Variants in CACNA2D1 observed in about 807,000 individuals in gnomAD.
CACNA2D1 encodes the protein voltage-dependent calcium channel subunit alpha-2/delta-1.
In CACNA2D1, 53 loss-of-function variants were observed where a neutral mutation model predicts 171.5. That is an observed-to-expected ratio of 0.31 (90% CI 0.25 to 0.39). The LOEUF is 0.39. Ranked by LOEUF, CACNA2D1 falls within the 10% of genes least tolerant of loss-of-function variation. CACNA2D1 has a pLI of 1.00. For synonymous variants in CACNA2D1, 442 were observed against 443.1 expected, an observed-to-expected ratio of 1.00 and a Z score of 0.03; for missense variants, 903 against 1,299.8, an observed-to-expected ratio of 0.69 and a Z score of 4.69.
chr7:82,235,323 C>T (rs1456848330), intron 3 of CACNA2D1, among the ~76,000 whole-genome samples: 1 of 152,118 alleles, frequency 6.6e-6, no homozygotes, highest in African/African-American at 2.4e-5. Context: ...TAAAGTAGAA[C>T]TAAACCAGCT....
chr7:82,230,272 G>T (rs1802792188), intron 3 of CACNA2D1, among the ~76,000 whole-genome samples: 1 of 152,188 alleles, frequency 6.6e-6, no homozygotes, highest in East Asian at 1.9e-4. Flanking sequence ...TGGAATCAGA[G>T]AATAGTATCC....
chr7:82,338,329 T>G (rs1284028926), intron 2 of CACNA2D1, among the ~76,000 whole-genome samples: 3 of 152,066 alleles, frequency 2.0e-5, no homozygotes, highest in African/African-American at 7.2e-5. Context: ...TTTAAATTTT[T>G]TATTTAAAAA....
chr7:82,137,707 TAAAAAAAAAAA>T (rs1174278503), intron 4 of CACNA2D1, among the ~76,000 whole-genome samples: 7 of 78,826 alleles, frequency 8.9e-5, no homozygotes, highest in Admixed American at 2.8e-4. Flanking sequence ...CCGTCTCTAC[TAAAAAAAAAAA>T]AAAAAAAAAA....
intron 10 of CACNA2D1, among the ~76,000 whole-genome samples, chr7:82,044,899 C>A (rs1205054652): frequency 6.6e-6 from 1 of 152,004 alleles, no homozygotes; most frequent in Non-Finnish European, 1.5e-5. Context: ...AACATTTATT[C>A]TTACATATGT....
At chr7:82,132,576 G>A (rs966088912) in intron 5 of CACNA2D1, among the ~76,000 whole-genome samples, 3 of 152,054 alleles carry the variant, frequency 2.0e-5, no homozygotes, top group South Asian at 2.1e-4. Context: ...AATCTAGAAC[G>A]CAAAAAGAAT....
intron 10 of CACNA2D1, among the ~76,000 whole-genome samples, chr7:82,049,285 A>T (rs190001995): frequency 5.5e-4 from 84 of 152,176 alleles, no homozygotes; most frequent in African/African-American, 1.8e-3. Context: ...ATCTTTACCT[A>T]AAAAAAGTGC....
At chr7:82,064,657 A>G (rs1433810911) in intron 8 of CACNA2D1, among the ~76,000 whole-genome samples, 1 of 152,204 alleles carries the variant, frequency 6.6e-6, no homozygotes, top group Non-Finnish European at 1.5e-5. Context: ...ACAATTATCT[A>G]AACTCCAATT....
At chr7:82,407,003 C>A (rs1475213882) in intron 1 of CACNA2D1, among the ~76,000 whole-genome samples, 1 of 152,110 alleles carries the variant, frequency 6.6e-6, no homozygotes, top group Non-Finnish European at 1.5e-5. Flanking sequence ...CAATTAATTA[C>A]CCTACTTACT....
chr7:82,382,219 T>G (rs767020001), intron 1 of CACNA2D1, among the ~76,000 whole-genome samples: 7 of 152,194 alleles, frequency 4.6e-5, no homozygotes, highest in Non-Finnish European at 1.0e-4. Flanking sequence ...TTAAGGAAAT[T>G]TCCTGATTTT....
At chr7:82,086,926 A>G (rs1810546930) in intron 6 of CACNA2D1, among the ~76,000 whole-genome samples, 1 of 152,096 alleles carries the variant, frequency 6.6e-6, no homozygotes, top group Admixed American at 6.6e-5. Flanking sequence ...CAATATTCCT[A>G]TTATCCTGGC....
chr7:82,267,216 G>A (rs953734598), intron 3 of CACNA2D1, among the ~76,000 whole-genome samples: 1 of 152,088 alleles, frequency 6.6e-6, no homozygotes, highest in Non-Finnish European at 1.5e-5. Context: ...TGTGAAAAAG[G>A]CTATACTATG....
intron 9 of CACNA2D1, among the ~76,000 whole-genome samples, chr7:82,061,593 G>C (rs547444743): frequency 6.6e-6 from 1 of 152,068 alleles, no homozygotes; most frequent in Non-Finnish European, 1.5e-5. Flanking sequence ...CACCCAACAG[G>C]TTCTTCCTGC....
At chr7:82,213,577 T>C (rs1163150852) in intron 3 of CACNA2D1, among the ~76,000 whole-genome samples, 2 of 152,202 alleles carry the variant, frequency 1.3e-5, no homozygotes, top group African/African-American at 4.8e-5. Context: ...AATTAAATAA[T>C]AGAATAATGC....
chr7:82,222,605 C>A (rs1406927969), intron 3 of CACNA2D1, among the ~76,000 whole-genome samples: 2 of 152,100 alleles, frequency 1.3e-5, no homozygotes, highest in African/African-American at 2.4e-5. Context: ...CGAAGACTTC[C>A]CTGCCATCCT....
intron 18 of CACNA2D1, among the ~76,000 whole-genome samples, chr7:82,001,937 T>A (rs1357400468): frequency 4.0e-5 from 6 of 151,050 alleles, no homozygotes; most frequent in Non-Finnish European, 8.8e-5. Flanking sequence ...AAAATGACTA[T>A]TATTTTTCTT....
At chr7:82,150,591 G>A (rs1167817483) in intron 4 of CACNA2D1, among the ~76,000 whole-genome samples, 1 of 151,980 alleles carries the variant, frequency 6.6e-6, no homozygotes, top group Admixed American at 6.6e-5. Flanking sequence ...ATAGATGTTT[G>A]CAATAGAAAC....
At chr7:82,340,146 T>C (rs537254506) in intron 2 of CACNA2D1, among the ~76,000 whole-genome samples, 3 of 152,152 alleles carry the variant, frequency 2.0e-5, no homozygotes, top group Admixed American at 6.6e-5. Flanking sequence ...TAGTCATCTG[T>C]CACCATAGCA....
intron 15 of CACNA2D1, 49 bp downstream of exon 15, chr7:82,012,105 T>A: frequency 9.5e-7 from 1 of 1,053,444 alleles, no homozygotes. Context: ...AGAAATCATC[T>A]GTGTGCTTTT....
At chr7:81,990,356 T>G (rs1797416757) in intron 21 of CACNA2D1, among the ~76,000 whole-genome samples, 1 of 152,162 alleles carries the variant, frequency 6.6e-6, no homozygotes, top group Admixed American at 6.5e-5. Context: ...TAAATAATTT[T>G]TATTTTTCTT....
Sources: allele counts gnomAD v4.1 joint callset (sites outside exome capture counted in the v4.1 genomes callset), GRCh38; gene constraint gnomAD v4.1.1; transcripts MANE v1.5; gene names NCBI Gene and HGNC (gene_info 2026-07-23, HGNC 2026-07-21).